Variants in NIM1K observed in about 807,000 individuals in gnomAD.
NIM1K encodes serine/threonine-protein kinase NIM1.
In NIM1K, 35 loss-of-function variants were observed where a neutral mutation model predicts 37.1. The observed-to-expected ratio is 0.94, with a 90% CI of 0.72 to 1.25. The LOEUF is 1.25. NIM1K is among the 50% of genes most tolerant of loss of function. The probability of loss-of-function intolerance (pLI) is 0.00; values close to 1 mark genes in which losing one functional copy is unlikely to be tolerated. For missense variants in NIM1K, 564 were observed against 548.0 expected, an observed-to-expected ratio of 1.03 and a Z score of -0.29; for synonymous variants, 234 against 206.6, an observed-to-expected ratio of 1.13 and a Z score of -1.14.
At chr5:43,220,100 T>C (rs769472376) in intron 1 of NIM1K, among the ~76,000 whole-genome samples, 59 of 152,172 alleles carry the variant, frequency 3.9e-4, no homozygotes, top group Admixed American at 1.0e-3. Context: ...TTATTGCTTA[T>C]ATTTTTGTAT....
At chr5:43,200,641 CACA>C (rs769337003) in intron 1 of NIM1K, among the ~76,000 whole-genome samples, 15 of 152,240 alleles carry the variant, frequency 9.9e-5, no homozygotes, top group East Asian at 1.9e-4. Flanking sequence ...CCGTAAGATA[CACA>C]ACAAGTCAAG....
intron 1 of NIM1K, among the ~76,000 whole-genome samples, chr5:43,215,109 C>A (rs540676199): frequency 6.6e-6 from 1 of 152,234 alleles, no homozygotes; most frequent in East Asian, 1.9e-4. Flanking sequence ...GATGACAGGT[C>A]CTCATTATCT....
chr5:43,268,628 T>C (rs574803506), intron 2 of NIM1K, among the ~76,000 whole-genome samples: 45 of 152,292 alleles, frequency 3.0e-4, no homozygotes, highest in South Asian at 1.5e-3. Context: ...GCATGAGTAA[T>C]TGGGGGAGTT....
intron 1 of NIM1K, among the ~76,000 whole-genome samples, chr5:43,220,646 C>T (rs1752367781): frequency 1.3e-5 from 2 of 152,108 alleles, no homozygotes. Flanking sequence ...TGCTCTAAGG[C>T]ATACAATATA....
chr5:43,244,887 A>G (rs1241302052), intron 1 of NIM1K, among the ~76,000 whole-genome samples, 195 bp from the exon 2 acceptor site: 1 of 152,172 alleles, frequency 6.6e-6, no homozygotes, highest in African/African-American at 2.4e-5. Flanking sequence ...CTTTTCTAAA[A>G]TGTAGGTTGA....
intron 1 of NIM1K, among the ~76,000 whole-genome samples, chr5:43,195,924 G>A (rs33910990): frequency 0.33 from 50,485 of 152,068 alleles, 8,832 homozygotes; most frequent in Non-Finnish European, 0.37. Context: ...GAAGGAAAAC[G>A]AAGTTGCAGA....
At chr5:43,206,447 C>G (rs1039336543) in intron 1 of NIM1K, among the ~76,000 whole-genome samples, 2 of 146,526 alleles carry the variant, frequency 1.4e-5, no homozygotes, top group South Asian at 4.3e-4. Flanking sequence ...CTGTAGTGAG[C>G]CATGATTGTG....
intron 1 of NIM1K, chr5:43,192,994 C>A (rs1355006682): frequency 6.6e-6 from 1 of 152,206 alleles, no homozygotes; most frequent in Non-Finnish European, 1.5e-5. Context: ...CAAAACCTTC[C>A]ATTGCACCCC....
rs568344530 is a variant in NIM1K at position 43,257,079 on chromosome 5, T to TTGAAAAGGAGGCTAGGGAGG, written c.292+11032_292+11051dup. 3.5e-3 allele frequency among the ~76,000 whole-genome samples: 527 copies of TTGAAAAGGAGGCTAGGGAGG among 152,026 alleles called. 4 individuals are homozygous for TTGAAAAGGAGGCTAGGGAGG. The highest frequency in any genetic ancestry group is 7.3e-3 in the South Asian group (35 of 4,806). On this transcript the variant is annotated intron_variant, in intron 2 of 3. Transcript: ENST00000326035. ...GAACTAAGCCTTCAGGTATCCAGCA[T>TTGAAAAGGAGGCTAGGGAGG]TGAAAAGGAGGCTAGGGAGGTGAAA...
rs146248761 is a variant in NIM1K at position 43,269,948 on chromosome 5, G to C, written c.293-7109G>C. Among the ~76,000 whole-genome samples, 946 of 152,254 alleles carry C rather than the reference G, an allele frequency of 6.2e-3. 16 individuals are homozygous for C. Among genetic ancestry groups the C allele is most frequent in the African/African-American group, 0.022 (910 of 41,548 alleles). ...TGTGTGTTATTGTTTTATAGGCCCT[G>C]TGAGTTTTATGCTTTCAAGAGGTTT... On this transcript the variant is annotated intron_variant, in intron 2 of 3. Coordinates refer to ENST00000326035, the MANE Select transcript of NIM1K (RefSeq NM_153361.4).
intron 2 of NIM1K, among the ~76,000 whole-genome samples, chr5:43,275,040 C>T (rs1228322188): frequency 6.6e-6 from 1 of 152,106 alleles, no homozygotes; most frequent in Admixed American, 6.6e-5. Context: ...TAACATTAAT[C>T]ATTTTCGTTA....
At chr5:43,239,713 G>A (rs12189053) in intron 1 of NIM1K, among the ~76,000 whole-genome samples, 43,388 of 150,736 alleles carry the variant, frequency 0.29, 6,342 homozygotes, top group Non-Finnish European at 0.33. Context: ...TTTTAGTAGA[G>A]ACGGGGTTTC....
intron 1 of NIM1K, among the ~76,000 whole-genome samples, chr5:43,222,367 A>G (rs1752392750): frequency 6.6e-6 from 1 of 152,234 alleles, no homozygotes; most frequent in Non-Finnish European, 1.5e-5. Context: ...AGACTAAGGC[A>G]ACTGAGAGAA....
chr5:43,265,370 T>C (rs1047810359), intron 2 of NIM1K, among the ~76,000 whole-genome samples: 1 of 152,154 alleles, frequency 6.6e-6, no homozygotes. Flanking sequence ...ATTCATTTGA[T>C]CTTCAATCAC....
intron 1 of NIM1K, among the ~76,000 whole-genome samples, chr5:43,220,378 C>T (rs1208379631): frequency 1.3e-5 from 2 of 151,218 alleles, no homozygotes; most frequent in Admixed American, 1.3e-4. Context: ...CTTCACCTCC[C>T]AGGTTCAAGC....
At chr5:43,201,716 T>C (rs998048074) in intron 1 of NIM1K, among the ~76,000 whole-genome samples, 1 of 152,024 alleles carries the variant, frequency 6.6e-6, no homozygotes, top group African/African-American at 2.4e-5. Context: ...ATCCCAGCAC[T>C]GTGGGAGGCT....
chr5:43,213,709 T>G (rs1399626507), intron 1 of NIM1K, among the ~76,000 whole-genome samples: 2 of 152,300 alleles, frequency 1.3e-5, no homozygotes, highest in Non-Finnish European at 2.9e-5. Flanking sequence ...TTGGCCAGGC[T>G]GGTCTTGAAC....
intron 1 of NIM1K, chr5:43,207,656 G>A (rs998586957): frequency 2.6e-5 from 15 of 588,220 alleles, no homozygotes; most frequent in Non-Finnish European, 4.0e-5. Flanking sequence ...TCTGACGGAA[G>A]CGCTGTTGCT....
intron 1 of NIM1K, chr5:43,232,040 T>G (rs1752547042): frequency 9.8e-7 from 1 of 1,015,658 alleles, no homozygotes; most frequent in Admixed American, 1.8e-5. Context: ...TTGCTCAGCA[T>G]GCACACAGCT....
Sources: allele counts gnomAD v4.1 joint callset (sites outside exome capture counted in the v4.1 genomes callset), GRCh38; gene constraint gnomAD v4.1.1; transcripts MANE v1.5; gene names NCBI Gene and HGNC (gene_info 2026-07-23, HGNC 2026-07-21).